The following TBC1D8B variants were observed in gnomAD, a reference collection of about 807,000 sequenced individuals.
TBC1D8B encodes the protein RP11-321G1.1.
A neutral mutation model predicts 82.9 loss-of-function variants in TBC1D8B; 75 were observed. The ratio of observed to expected loss-of-function variants is 0.90; its 90% CI spans 0.75 to 1.10. The LOEUF (loss-of-function observed/expected upper bound fraction) is 1.10, where lower values mean the gene tolerates loss of function less well. TBC1D8B is among the 50% of genes least tolerant of loss of function. TBC1D8B has a pLI of 0.00. For synonymous variants in TBC1D8B, 276 were observed against 276.8 expected (o/e 1.00, Z 0.03); for missense variants, 794 against 796.9 (o/e 1.00, Z 0.04).
chrX:106,805,779 A>T (rs1274072975), intron 1 of TBC1D8B, among the ~76,000 whole-genome samples: 2 of 112,364 alleles, frequency 1.8e-5, no homozygotes, highest in African/African-American at 3.2e-5. Flanking sequence ...CTTACTTAAA[A>T]TCATGAAGCC....
chrX:106,871,394 T>A (rs965482379), intron 20 of TBC1D8B, among the ~76,000 whole-genome samples: 1 of 111,945 alleles, frequency 8.9e-6, no homozygotes, highest in Non-Finnish European at 1.9e-5. Flanking sequence ...AATAAGTACT[T>A]TCTAAAATGA....
chrX:106,859,663 T>C (rs777966979), intron 14 of TBC1D8B, among the ~76,000 whole-genome samples: 1 of 111,980 alleles, frequency 8.9e-6, no homozygotes, highest in South Asian at 3.8e-4. Context: ...TGACTTCCTC[T>C]CTTCCTATTT....
At chrX:106,811,621 G>A (rs778211770) in intron 1 of TBC1D8B, among the ~76,000 whole-genome samples, 1 of 111,652 alleles carries the variant, frequency 9.0e-6, no homozygotes. Flanking sequence ...AAAATGATGG[G>A]CCTGGTTTAG....
At chrX:106,809,632 C>T (rs1931299227) in intron 1 of TBC1D8B, among the ~76,000 whole-genome samples, 1 of 110,763 alleles carries the variant, frequency 9.0e-6, no homozygotes, top group Non-Finnish European at 1.9e-5. Context: ...ACCTGTAATC[C>T]CAGTGCTTTG....
Position 106,839,339 on chromosome X carries a change from C to T in TBC1D8B, c.1235C>T (p.Ser412Phe). 1 of 1,187,549 alleles carries T rather than the reference C, an allele frequency of 8.4e-7. No individual in the cohort carries two copies. Among genetic ancestry groups the T allele is most frequent in the Non-Finnish European group, 1.1e-6 (1 of 883,120 alleles). ...LAISSESTEP[S>F]DNFEVQSLTS... ...ATTAGTTCTGAGTCTACAGAGCCAT[C>T]TGATAATTTTGAGGTGCAATCTTTG... Residue 412 changes from serine to phenylalanine, a missense_variant, in exon 8 of 21, where the codon TCT becomes TTT. Ser to Phe is a radical substitution (Grantham distance 155, BLOSUM62 -2). Coordinates refer to ENST00000357242, the MANE Select transcript of TBC1D8B (RefSeq NM_017752.3).
At chrX:106,803,838 C>T (rs1291453534) in intron 1 of TBC1D8B, among the ~76,000 whole-genome samples, 1 of 111,659 alleles carries the variant, frequency 9.0e-6, no homozygotes, top group Non-Finnish European at 1.9e-5. Flanking sequence ...AAGTTTTGGA[C>T]GTTGGGAAAG....
In TBC1D8B at chrX:106,865,906, G is replaced by A. The variant is rs750458004; in HGVS notation, c.2535G>A (p.Ala845=). 4.1e-6 allele frequency: 5 copies of A among 1,211,371 alleles called. No individual in the cohort carries two copies. Among genetic ancestry groups the A allele is most frequent in the East Asian group, 3.0e-5 (1 of 33,830 alleles). Reference sequence around the variant, plus strand: ...AGATTGACTGCCAGCAGTTCAGAGCGTTGTATCACTTGTTGAGTCCCTGGG... The same window carrying A: ...AGATTGACTGCCAGCAGTTCAGAGCATTGTATCACTTGTTGAGTCCCTGGG... The part of the protein sequence containing the change: ...QYQIDCQQFR[A]LYHLLSPWAH... Residue 845 remains alanine, a synonymous_variant, in exon 16 of 21, where the codon GCG becomes GCA. Transcript: ENST00000357242.
At chrX:106,863,719 C>G (rs183236158) in intron 14 of TBC1D8B, among the ~76,000 whole-genome samples, 72 of 112,249 alleles carry the variant, frequency 6.4e-4, no homozygotes, top group African/African-American at 2.2e-3. Context: ...AGGCATTGCC[C>G]ACCTGGCTAC....
At chrX:106,847,300 T>A (rs1000226775) in intron 10 of TBC1D8B, among the ~76,000 whole-genome samples, 3 of 111,560 alleles carry the variant, frequency 2.7e-5, no homozygotes, top group Non-Finnish European at 5.7e-5. Flanking sequence ...TTTAGTGGCA[T>A]TGAATATTAC....
At chrX:106,824,386 CCTGTTCCTAAA>C (rs1267785440) in intron 5 of TBC1D8B, among the ~76,000 whole-genome samples, 1 of 111,052 alleles carries the variant, frequency 9.0e-6, no homozygotes, top group Non-Finnish European at 1.9e-5. Context: ...GTTCCTCTTA[CCTGTTCCTAAA>C]CTATTCCTAA....
At chrX:106,813,030 G>T (rs1353242455) in intron 1 of TBC1D8B, among the ~76,000 whole-genome samples, 4 of 110,643 alleles carry the variant, frequency 3.6e-5, no homozygotes, top group Non-Finnish European at 7.6e-5. Flanking sequence ...GCTAATTTTT[G>T]TATTTTTAAT....
chrX:106,839,086 G>C (rs1303209714), intron 7 of TBC1D8B, among the ~76,000 whole-genome samples: 1 of 111,643 alleles, frequency 9.0e-6, no homozygotes. Context: ...CCACTATTTT[G>C]TTGCTTTTGT....
intron 10 of TBC1D8B, 46 bp downstream of exon 10, chrX:106,840,930 A>G (rs1309327662): frequency 1.8e-6 from 2 of 1,084,930 alleles, no homozygotes; most frequent in Non-Finnish European, 2.5e-6. Flanking sequence ...TCCAAATAAA[A>G]TCACATCAAA....
intron 7 of TBC1D8B, 181 bp downstream of exon 7, chrX:106,827,518 C>G (rs1363578846): frequency 2.3e-6 from 1 of 429,269 alleles, no homozygotes; most frequent in Non-Finnish European, 3.8e-6. Flanking sequence ...GAATTAAGGA[C>G]TTTATTCATT....
At chrX:106,839,678 A>G (rs913007190) in intron 8 of TBC1D8B, among the ~76,000 whole-genome samples, 3 of 112,078 alleles carry the variant, frequency 2.7e-5, no homozygotes, top group Non-Finnish European at 5.6e-5. Context: ...GGATTTTTAC[A>G]GATACATAAT....
chrX:106,861,520 T>C (rs1027135371), intron 14 of TBC1D8B, among the ~76,000 whole-genome samples: 2 of 111,966 alleles, frequency 1.8e-5, no homozygotes, highest in Non-Finnish European at 3.8e-5. Context: ...CTAAAGTCTG[T>C]TTTGTCTGAA....
Position 106,859,502 on chromosome X carries a change from C to T in TBC1D8B, c.2352+5206C>T, listed in dbSNP as rs573524492. On this transcript the variant is annotated intron_variant, in intron 14 of 20. Coordinates refer to ENST00000357242, the MANE Select transcript of TBC1D8B (RefSeq NM_017752.3). ...GTAGGATTGAGTTCTTGATTTGGCT[C>T]TCAGCTTGGACTTTGTTGGTACATA... Among the ~76,000 whole-genome samples, 11 of 111,572 alleles carry T rather than the reference C, an allele frequency of 9.9e-5. No homozygotes were observed. In the South Asian group the frequency reaches 4.1e-3, roughly 42 times the overall value.
At chrX:106,860,406 C>A (rs1932763426) in intron 14 of TBC1D8B, among the ~76,000 whole-genome samples, 1 of 99,855 alleles carries the variant, frequency 1.0e-5, no homozygotes, top group Non-Finnish European at 2.0e-5. Flanking sequence ...AATTTTAGAA[C>A]TTGTTTTTGG....
At chrX:106,871,675 T>C (rs1353257043) in intron 20 of TBC1D8B, among the ~76,000 whole-genome samples, 1 of 111,993 alleles carries the variant, frequency 8.9e-6, no homozygotes, top group Non-Finnish European at 1.9e-5. Context: ...TCCCCAAGAC[T>C]GCTCCCTCCT....
Sources: allele counts gnomAD v4.1 joint callset (sites outside exome capture counted in the v4.1 genomes callset), GRCh38; gene constraint gnomAD v4.1.1; transcripts MANE v1.5; gene names NCBI Gene and HGNC (gene_info 2026-07-23, HGNC 2026-07-21).